MROH9: variants seen among roughly 807,000 people sequenced by gnomAD.
MROH9 encodes maestro heat like repeat family member 9.
MROH9 carries 92 observed loss-of-function variants against 98.2 expected under a neutral mutation model. That is an observed-to-expected ratio of 0.94 (90% confidence interval 0.79 to 1.11). The LOEUF (loss-of-function observed/expected upper bound fraction) is 1.11. Among genes scored for constraint, MROH9 ranks in the 50% most tolerant of loss-of-function variants. The pLI is 0.00. For missense variants in MROH9, 1,057 were observed against 1,014.8 expected (o/e 1.04, Z -0.57); for synonymous variants, 397 against 368.9 (o/e 1.08, Z -0.87).
rs17346397 is a variant in MROH9, at chr1:171,024,425, C to G, written c.1939C>G (p.Arg647Gly). The G allele has an allele frequency of 0.031, 48,673 of 1,550,426 alleles. 921 individuals carry two copies. Among genetic ancestry groups the G allele is most frequent in the Middle Eastern group, 0.064 (384 of 5,988 alleles). ...TGGAGGCATTCGAAGTATGGCAATT[C>G]GACACTTTGGTCAATTAGTTAGGGA... ...INGGIRSMAI[R>G]HFGQLVRDMR... Residue 647 changes from arginine to glycine, a missense_variant, in exon 18 of 22, where the codon CGA (arginine) becomes GGA (glycine). Coordinates refer to ENST00000367759, the MANE Select transcript of MROH9 (RefSeq NM_001163629.2).
intron 20 of MROH9, among the ~76,000 whole-genome samples, chr1:171,056,843 C>A (rs1295546045): frequency 6.6e-6 from 1 of 152,104 alleles, no homozygotes; most frequent in Non-Finnish European, 1.5e-5. Context: ...ATGAAGTGGA[C>A]CCCCAGCAAA....
intron 20 of MROH9, among the ~76,000 whole-genome samples, chr1:171,049,566 T>C (rs1189544384): frequency 1.3e-5 from 2 of 152,192 alleles, no homozygotes; most frequent in African/African-American, 4.8e-5. Context: ...TTCTATTCCA[T>C]CACCTTGCTC....
chr1:171,040,458 A>G (rs538078601), intron 20 of MROH9, among the ~76,000 whole-genome samples: 4 of 152,278 alleles, frequency 2.6e-5, no homozygotes, highest in Admixed American at 2.0e-4. Context: ...GATGATAGAT[A>G]CGTTAACTTG....
intron 3 of MROH9, among the ~76,000 whole-genome samples, chr1:170,948,508 T>C (rs1042695687): frequency 6.6e-6 from 1 of 152,038 alleles, no homozygotes; most frequent in African/African-American, 2.4e-5. Flanking sequence ...CAGTTTAGAA[T>C]TACACTCACT....
intron 20 of MROH9, among the ~76,000 whole-genome samples, chr1:171,058,866 A>C (rs1653930811): frequency 6.6e-6 from 1 of 152,224 alleles, no homozygotes; most frequent in Admixed American, 6.5e-5. Context: ...AAAGACTTAA[A>C]TGTAAACCCC....
chr1:170,989,500 A>G (rs1395544322), intron 10 of MROH9, among the ~76,000 whole-genome samples: 1 of 152,174 alleles, frequency 6.6e-6, no homozygotes, highest in Non-Finnish European at 1.5e-5. Flanking sequence ...CTGTAGCTCC[A>G]TTGTTATTCT....
At chr1:171,050,680 C>T (rs984767856) in intron 20 of MROH9, among the ~76,000 whole-genome samples, 1 of 152,120 alleles carries the variant, frequency 6.6e-6, no homozygotes, top group East Asian at 1.9e-4. Context: ...TCTGATTGCT[C>T]TAGTTAGGTC....
chr1:171,063,923 T>C (rs781755640), intron 21 of MROH9, among the ~76,000 whole-genome samples, 176 bp from the exon 22 acceptor site: 7 of 152,116 alleles, frequency 4.6e-5, no homozygotes, highest in Non-Finnish European at 1.0e-4. Context: ...TTAGTAGGGA[T>C]AGATGATAAA....
At chr1:171,035,538 T>A (rs928391691) in intron 20 of MROH9, among the ~76,000 whole-genome samples, 2 of 151,976 alleles carry the variant, frequency 1.3e-5, no homozygotes, top group Non-Finnish European at 2.9e-5. Context: ...CACATATATC[T>A]GGCAAAGAAT....
chr1:170,962,906 A>G (rs923067167), intron 6 of MROH9, among the ~76,000 whole-genome samples: 1 of 152,140 alleles, frequency 6.6e-6, no homozygotes, highest in African/African-American at 2.4e-5. Flanking sequence ...ACCATTCTGG[A>G]CATAGGAACA....
intron 3 of MROH9, among the ~76,000 whole-genome samples, chr1:170,951,757 G>T (rs1054134540): frequency 4.6e-5 from 7 of 152,190 alleles, no homozygotes; most frequent in Middle Eastern, 6.8e-3. Flanking sequence ...AGTCCCAGCT[G>T]CTAAGTCCTA....
intron 20 of MROH9, among the ~76,000 whole-genome samples, chr1:171,055,974 C>T (rs147272631): frequency 7.9e-5 from 12 of 152,048 alleles, no homozygotes; most frequent in East Asian, 3.9e-4. Flanking sequence ...GCAGGGGGAA[C>T]GGTGATTTTT....
chr1:171,027,281 A>T (rs1373254138), intron 20 of MROH9, among the ~76,000 whole-genome samples: 1 of 151,890 alleles, frequency 6.6e-6, no homozygotes. Flanking sequence ...TTCAACTCCC[A>T]CTTATGAGTG....
intron 20 of MROH9, among the ~76,000 whole-genome samples, chr1:171,055,015 AG>A (rs1470740207): frequency 1.3e-5 from 2 of 151,350 alleles, no homozygotes; most frequent in Non-Finnish European, 2.9e-5. Context: ...AACTACCCAG[AG>A]GAAAAGAAGT....
chr1:170,964,442 A>G (rs1557876159), intron 6 of MROH9, among the ~76,000 whole-genome samples: 1 of 152,102 alleles, frequency 6.6e-6, no homozygotes, highest in Non-Finnish European at 1.5e-5. Flanking sequence ...AGAAAAGGTG[A>G]AGAGGTTTGG....
chr1:170,963,936 G>A (rs1408511412), intron 6 of MROH9, among the ~76,000 whole-genome samples: 1 of 152,010 alleles, frequency 6.6e-6, no homozygotes, highest in Non-Finnish European at 1.5e-5. Context: ...ATGTACCTCT[G>A]AACTTAAAAT....
intron 20 of MROH9, among the ~76,000 whole-genome samples, chr1:171,037,517 A>G (rs1192328333): frequency 2.0e-5 from 3 of 152,082 alleles, no homozygotes; most frequent in Admixed American, 6.6e-5. Flanking sequence ...AAAAATTTTA[A>G]AAGTGTCAAT....
chr1:170,985,216 A>C (rs764774930), intron 9 of MROH9, among the ~76,000 whole-genome samples: 1 of 152,202 alleles, frequency 6.6e-6, no homozygotes, highest in Non-Finnish European at 1.5e-5. Flanking sequence ...ATAACTCAAA[A>C]TGGCACCATT....
chr1:170,989,224 A>G (rs1456129190), intron 10 of MROH9, among the ~76,000 whole-genome samples: 2 of 152,182 alleles, frequency 1.3e-5, no homozygotes, highest in Non-Finnish European at 2.9e-5. Flanking sequence ...CAAAATAAGA[A>G]GTGAGATGAT....
Sources: allele counts gnomAD v4.1 joint callset (sites outside exome capture counted in the v4.1 genomes callset), GRCh38; gene constraint gnomAD v4.1.1; transcripts MANE v1.5; gene names NCBI Gene and HGNC (gene_info 2026-07-23, HGNC 2026-07-21).